SORCS1: variants seen among roughly 807,000 people sequenced by gnomAD.
The protein encoded by SORCS1 is VPS10 domain-containing receptor SorCS1.
In SORCS1, 60 loss-of-function variants were observed where a neutral mutation model predicts 146.1. The observed-to-expected ratio is 0.41, with a 90% CI of 0.33 to 0.51. The LOEUF is 0.51. SORCS1 is among the 20% of genes least tolerant of loss of function. The pLI is 0.21. For missense variants in SORCS1, 1,352 were observed against 1,487.6 expected (o/e 0.91, Z 1.50); for synonymous variants, 637 against 584.0 (o/e 1.09, Z -1.31).
chr10:107,051,693 T>A (rs1189117806), intron 1 of SORCS1, among the ~76,000 whole-genome samples: 1 of 152,160 alleles, frequency 6.6e-6, no homozygotes, highest in African/African-American at 2.4e-5. Context: ...AAGATTGAAC[T>A]AATTTGTACT....
chr10:107,173,278 T>C, the SORCS1 span, among the ~76,000 whole-genome samples: 3 of 152,166 alleles, frequency 2.0e-5, no homozygotes, highest in Non-Finnish European at 4.4e-5. Flanking sequence ...TACAGTTATA[T>C]AGGATGAATA....
In SORCS1 at chr10:106,803,721, C is replaced by A. The variant is rs182461558; in HGVS notation, c.726+25853G>T. On this transcript the variant is annotated intron_variant, in intron 3 of 25. Coordinates refer to ENST00000263054, the MANE Select transcript of SORCS1 (RefSeq NM_052918.5). Reference sequence around the variant, plus strand: ...AACATTCTTTGAAGGTTATGAACAACTGATAAAAGAGTTTCTGAATGTAGT... The same window carrying A: ...AACATTCTTTGAAGGTTATGAACAAATGATAAAAGAGTTTCTGAATGTAGT... Among the ~76,000 whole-genome samples, 24 of 152,292 alleles carry A rather than the reference C, an allele frequency of 1.6e-4. 2 individuals carry two copies. The highest frequency in any genetic ancestry group is 4.8e-4 in the African/African-American group (20 of 41,556).
At position 106,620,475 on chromosome 10, in the gene SORCS1, G is replaced by T. The variant is rs2133492093; in HGVS notation, c.2749C>A (p.Gln917Lys). The T allele has an allele frequency of 6.2e-7, 1 of 1,614,038 alleles. No individual in the cohort carries two copies. Among genetic ancestry groups the T allele is most frequent in the Non-Finnish European group, 8.5e-7 (1 of 1,179,924 alleles). Residue 917 changes from glutamine to lysine, a missense_variant, in exon 20 of 26, where the codon CAA becomes AAA. Physicochemically the swap from Gln to Lys is moderately conservative, Grantham distance 53. Coordinates refer to ENST00000263054, the MANE Select transcript of SORCS1 (RefSeq NM_052918.5). Reference protein sequence around the residue: ...VNATAVLWPSQVGTLTYVWWY... With the variant: ...VNATAVLWPSKVGTLTYVWWY... ...CACACGTAAGTGAGGGTGCCCACTT[G>T]GCTGGGCCACAGCACTGCCGTCGCA...
At chr10:106,954,121 G>T (rs1339268782) in intron 2 of SORCS1, among the ~76,000 whole-genome samples, 1 of 152,212 alleles carries the variant, frequency 6.6e-6, no homozygotes. Context: ...CCACAGTCTA[G>T]GGCAACCTGC....
intron 8 of SORCS1, among the ~76,000 whole-genome samples, chr10:106,704,254 C>T (rs1475197055): frequency 6.6e-6 from 1 of 152,048 alleles, no homozygotes; most frequent in Non-Finnish European, 1.5e-5. Flanking sequence ...GGTGATGATG[C>T]TATGTTTTAA....
intron 3 of SORCS1, among the ~76,000 whole-genome samples, chr10:106,805,776 C>T (rs1219966275): frequency 6.6e-6 from 1 of 151,916 alleles, no homozygotes; most frequent in Non-Finnish European, 1.5e-5. Flanking sequence ...AAAAAAAAAT[C>T]AGCCGGGCGT....
intron 3 of SORCS1, among the ~76,000 whole-genome samples, chr10:106,817,607 C>T (rs1263232026): frequency 6.6e-6 from 1 of 152,158 alleles, no homozygotes; most frequent in Non-Finnish European, 1.5e-5. Context: ...ATCAAAGGAA[C>T]ATTTTATGAG....
At chr10:106,773,777 G>A (rs1305779230) in intron 4 of SORCS1, among the ~76,000 whole-genome samples, 4 of 151,982 alleles carry the variant, frequency 2.6e-5, no homozygotes, top group African/African-American at 4.8e-5. Flanking sequence ...GCGAAACCCC[G>A]TCTCTACTAA....
intron 6 of SORCS1, among the ~76,000 whole-genome samples, chr10:106,729,344 C>A (rs1025712819): frequency 6.6e-6 from 1 of 152,166 alleles, no homozygotes; most frequent in African/African-American, 2.4e-5. Flanking sequence ...AGCATAACCA[C>A]CCGGAGTTGA....
At chr10:106,620,248 CA>C in intron 20 of SORCS1, 179 bp downstream of exon 20, 1 of 584,876 alleles carries the variant, frequency 1.7e-6, no homozygotes, top group South Asian at 3.4e-5. Context: ...GGAGAGGGGC[CA>C]GAGAGAGAGA....
At chr10:107,029,949 G>A (rs1294635692) in intron 1 of SORCS1, among the ~76,000 whole-genome samples, 3 of 152,198 alleles carry the variant, frequency 2.0e-5, no homozygotes, top group African/African-American at 7.2e-5. Context: ...AAGAGTTGAT[G>A]GCAGATGCGT....
intron 1 of SORCS1, among the ~76,000 whole-genome samples, chr10:107,141,523 C>G (rs1050108974): frequency 6.6e-6 from 1 of 152,162 alleles, no homozygotes; most frequent in Non-Finnish European, 1.5e-5. Context: ...GCTCAGATCA[C>G]TGGCTCAAAA....
At chr10:106,797,424 C>T (rs74152244) in intron 3 of SORCS1, among the ~76,000 whole-genome samples, 6,734 of 152,008 alleles carry the variant, frequency 0.044, 429 homozygotes, top group African/African-American at 0.14. Context: ...CTGACCCCAA[C>T]ATCTATACTT....
chr10:107,058,183 A>G (rs1171214344), intron 1 of SORCS1, among the ~76,000 whole-genome samples: 1 of 152,076 alleles, frequency 6.6e-6, no homozygotes, highest in Non-Finnish European at 1.5e-5. Flanking sequence ...CTGGGACTAC[A>G]GGTGCCTGCC....
At chr10:106,657,006 T>C (rs753842789) in intron 17 of SORCS1, among the ~76,000 whole-genome samples, 2 of 152,150 alleles carry the variant, frequency 1.3e-5, no homozygotes, top group African/African-American at 4.8e-5. Flanking sequence ...GGAATGTAGA[T>C]TAGTACAAAT....
At chr10:106,949,949 G>GA (rs904715285) in intron 2 of SORCS1, among the ~76,000 whole-genome samples, 4 of 151,742 alleles carry the variant, frequency 2.6e-5, no homozygotes, top group East Asian at 1.9e-4. Context: ...GTATAACAGG[G>GA]AAAAAAAAGA....
rs11192987 is a variant in SORCS1 at position 106,643,520 on chromosome 10, T to C, written c.2475+8862A>G. On this transcript the variant is annotated intron_variant, in intron 18 of 25. Coordinates refer to ENST00000263054, the MANE Select transcript of SORCS1 (RefSeq NM_052918.5). Reference sequence around the variant, plus strand: ...CACATGTGAGGTCCTCAGGGCCTCCTGATATAAAGAAGATGCTCTTGGCTT... The same window carrying C: ...CACATGTGAGGTCCTCAGGGCCTCCCGATATAAAGAAGATGCTCTTGGCTT... Among the ~76,000 whole-genome samples the C allele has an allele frequency of 3.4e-3, 521 of 152,362 alleles. 12 individuals are homozygous for C. The highest frequency in any genetic ancestry group is 0.032 in the East Asian group (165 of 5,188).
chr10:106,883,982 T>C (rs1950903992), intron 2 of SORCS1, among the ~76,000 whole-genome samples: 1 of 152,214 alleles, frequency 6.6e-6, no homozygotes, highest in Non-Finnish European at 1.5e-5. Flanking sequence ...ATTGTTATTT[T>C]TTTTGCTGAG....
intron 20 of SORCS1, among the ~76,000 whole-genome samples, chr10:106,618,615 G>A (rs1847535438): frequency 6.6e-6 from 1 of 152,166 alleles, no homozygotes; most frequent in African/African-American, 2.4e-5. Flanking sequence ...ACAAGGAAAT[G>A]ATCAAAGCAA....
Sources: allele counts gnomAD v4.1 joint callset (sites outside exome capture counted in the v4.1 genomes callset), GRCh38; gene constraint gnomAD v4.1.1; transcripts MANE v1.5; gene names NCBI Gene and HGNC (gene_info 2026-07-23, HGNC 2026-07-21).